The following ESRRG variants were observed in gnomAD, a reference collection of about 807,000 sequenced individuals.
ESRRG encodes estrogen-related receptor gamma.
Under a neutral mutation model 44.0 loss-of-function variants are expected in ESRRG, and 13 were observed. The observed-to-expected ratio is 0.30, with a 90% confidence interval of 0.19 to 0.47. The LOEUF (loss-of-function observed/expected upper bound fraction) is 0.47. Ranked by LOEUF, ESRRG falls within the 20% of genes least tolerant of loss-of-function variation. The pLI is 1.00. For synonymous variants in ESRRG, 215 were observed against 214.6 expected (o/e 1.00, Z -0.02); for missense variants, 395 against 580.6 (o/e 0.68, Z 3.29).
intron 2 of ESRRG, among the ~76,000 whole-genome samples, chr1:216,669,816 G>A (rs1311015219): frequency 6.6e-6 from 1 of 152,064 alleles, no homozygotes; most frequent in Non-Finnish European, 1.5e-5. Context: ...AACCCAGGAG[G>A]TGGACATTGC....
chr1:216,912,238 GA>G (rs2060539243), intron 2 of ESRRG, among the ~76,000 whole-genome samples: 1 of 56,424 alleles, frequency 1.8e-5, no homozygotes, highest in African/African-American at 5.3e-5. Flanking sequence ...GAGGAGAGGA[GA>G]GGAGAGGAGA....
At chr1:217,035,245 G>A (rs1043360311) in intron 1 of ESRRG, among the ~76,000 whole-genome samples, 1 of 150,890 alleles carries the variant, frequency 6.6e-6, no homozygotes, top group African/African-American at 2.4e-5. Context: ...CAGTGCTTTG[G>A]GAGGTAGAGG....
At chr1:216,627,795 C>T (rs1012342889) in intron 3 of ESRRG, among the ~76,000 whole-genome samples, 4 of 142,254 alleles carry the variant, frequency 2.8e-5, no homozygotes, top group Admixed American at 7.2e-5. Flanking sequence ...GTGAAATATG[C>T]TCCAGGGACC....
intron 3 of ESRRG, among the ~76,000 whole-genome samples, chr1:216,638,460 G>T (rs2150843285): frequency 6.6e-6 from 1 of 152,234 alleles, no homozygotes; most frequent in African/African-American, 2.4e-5. Flanking sequence ...ATTAGAGACT[G>T]ACTTCCTTAG....
At chr1:216,638,397 A>G (rs955570800) in intron 3 of ESRRG, among the ~76,000 whole-genome samples, 2 of 152,164 alleles carry the variant, frequency 1.3e-5, no homozygotes, top group African/African-American at 4.8e-5. Context: ...CCAATATGGT[A>G]GCCATCAGCC....
chr1:217,110,894 G>A (rs768998075), intron 1 of ESRRG, among the ~76,000 whole-genome samples: 30 of 152,088 alleles, frequency 2.0e-4, no homozygotes, highest in Non-Finnish European at 3.1e-4. Flanking sequence ...AATTTTTGCT[G>A]TGTCTTTTCG....
chr1:216,928,290 C>T (rs1044102997), intron 2 of ESRRG, among the ~76,000 whole-genome samples: 5 of 152,138 alleles, frequency 3.3e-5, no homozygotes, highest in South Asian at 2.1e-4. Context: ...CTTTTTCTCA[C>T]CTCTTTTCCC....
At chr1:217,109,929 G>C (rs78075867) in intron 1 of ESRRG, among the ~76,000 whole-genome samples, 8,253 of 152,176 alleles carry the variant, frequency 0.054, 302 homozygotes, top group Middle Eastern at 0.1. Flanking sequence ...ATCCTTAAAG[G>C]GTCTTTAAGT....
At chr1:216,594,302 A>G (rs1237908677) in intron 3 of ESRRG, among the ~76,000 whole-genome samples, 2 of 152,196 alleles carry the variant, frequency 1.3e-5, no homozygotes, top group East Asian at 3.8e-4. Context: ...TTTGTATTAC[A>G]AATATAAATA....
chr1:217,049,670 A>C (rs994310907), intron 1 of ESRRG, among the ~76,000 whole-genome samples: 1 of 152,136 alleles, frequency 6.6e-6, no homozygotes, highest in African/African-American at 2.4e-5. Context: ...TGATCTCTCC[A>C]CTGGGCAAGG....
At chr1:217,120,118 C>T (rs986796361) in intron 1 of ESRRG, among the ~76,000 whole-genome samples, 1 of 152,098 alleles carries the variant, frequency 6.6e-6, no homozygotes, top group Admixed American at 6.6e-5. Context: ...GAGATGCCTC[C>T]TCTTAGATTT....
At chr1:217,121,394 G>T (rs931475830) in intron 1 of ESRRG, among the ~76,000 whole-genome samples, 2 of 152,132 alleles carry the variant, frequency 1.3e-5, no homozygotes, top group African/African-American at 4.8e-5. Flanking sequence ...GTAAAATGAT[G>T]ATCAGATTTG....
chr1:216,519,826 A>AAAG (rs749222424), intron 5 of ESRRG, among the ~76,000 whole-genome samples: 1 of 151,112 alleles, frequency 6.6e-6, no homozygotes, highest in Non-Finnish European at 1.5e-5. Flanking sequence ...AAAAAAAAAA[A>AAAG]AAGAAGAAGA....
At chr1:216,613,475 T>C (rs1403862619) in intron 3 of ESRRG, among the ~76,000 whole-genome samples, 1 of 152,182 alleles carries the variant, frequency 6.6e-6, no homozygotes, top group African/African-American at 2.4e-5. Flanking sequence ...AAAAATACAT[T>C]ATCTGTAATT....
At chr1:216,656,566 C>T (rs7538424) in intron 2 of ESRRG, among the ~76,000 whole-genome samples, 26,549 of 152,156 alleles carry the variant, frequency 0.17, 2,373 homozygotes, top group Middle Eastern at 0.2. Flanking sequence ...AAAACTCCAG[C>T]CTGGAGCGCC....
intron 2 of ESRRG, among the ~76,000 whole-genome samples, chr1:216,793,497 C>T (rs929083478): frequency 6.6e-5 from 10 of 152,110 alleles, no homozygotes; most frequent in African/African-American, 2.2e-4. Context: ...AGAACTGAGA[C>T]CTCCAGCTAC....
In ESRRG at chr1:216,692,116, A is replaced by T. The variant is rs1006926585; in HGVS notation, c.57-14625T>A. Among the ~76,000 whole-genome samples, 15 of 152,190 alleles carry T rather than the reference A, an allele frequency of 9.9e-5. No individual in the cohort carries two copies. The South Asian group carries it at 1.0e-3, about 11-fold the overall frequency. On this transcript the variant is annotated intron_variant, in intron 1 of 6. Coordinates refer to ENST00000408911, the MANE Select transcript of ESRRG (RefSeq NM_001438.4). ...GTGTACTCCTTCTACTTATTAAAAA[A>T]TTTTTTTTAAAAATTTACTTGTAAA...
chr1:216,530,541 C>T (rs565020391), intron 5 of ESRRG, among the ~76,000 whole-genome samples: 2 of 152,170 alleles, frequency 1.3e-5, no homozygotes, highest in Middle Eastern at 3.4e-3. Context: ...ACTGTTTTCC[C>T]GTTTGTGAAG....
upstream of ESRRG, among the ~76,000 whole-genome samples, chr1:217,090,037 A>T (rs1249246412): frequency 3.9e-5 from 6 of 151,974 alleles, no homozygotes; most frequent in Admixed American, 1.3e-4. Context: ...ATATTTTTCT[A>T]AAAAAAATTC....
Sources: allele counts gnomAD v4.1 joint callset (sites outside exome capture counted in the v4.1 genomes callset), GRCh38; gene constraint gnomAD v4.1.1; transcripts MANE v1.5; gene names NCBI Gene and HGNC (gene_info 2026-07-23, HGNC 2026-07-21).